Variants in SDHC observed in about 807,000 individuals in gnomAD.
SDHC encodes succinate dehydrogenase complex subunit C, also known as succinate dehydrogenase cytochrome b560 subunit, mitochondrial.
In SDHC, 11 loss-of-function variants were observed where a neutral mutation model predicts 22.6. That is an observed-to-expected ratio of 0.49 (90% CI 0.31 to 0.81). SDHC has a LOEUF of 0.81. Among genes scored for constraint, SDHC ranks in the 30% least tolerant of loss-of-function variants. SDHC has a pLI of 0.05. For synonymous variants in SDHC, 80 were observed against 77.8 expected (o/e 1.03, Z -0.15); for missense variants, 160 against 212.0 (o/e 0.75, Z 1.52).
rs1050286705 is a variant in SDHC at position 161,315,218 on chromosome 1, G to A, written c.20+793G>A. ...TAGTTTTGTGCCAGCCTTATTTTTG[G>A]AAATTGTTTGTTATGGAAAGTTAGC... On this transcript the variant is annotated intron_variant, in intron 1 of 5. Transcript: ENST00000367975. Among the ~76,000 whole-genome samples the A allele has an allele frequency of 3.3e-5, 5 of 152,272 alleles. No homozygotes were observed. The East Asian group carries it at 9.6e-4, about 29-fold the overall frequency.
At chr1:161,317,895 T>C (rs75781067) in intron 1 of SDHC, among the ~76,000 whole-genome samples, 17,780 of 151,818 alleles carry the variant, frequency 0.12, 1,411 homozygotes, top group African/African-American at 0.22. Flanking sequence ...CAATTGTGGC[T>C]GGGCATGGTG....
chr1:161,314,624 G>A, intron 1 of SDHC, 199 bp downstream of exon 1: 1 of 629,686 alleles, frequency 1.6e-6, no homozygotes. Flanking sequence ...TAGGGCTTCG[G>A]GGTCACTGAC....
intron 3 of SDHC, chr1:161,339,690 T>TTTTTTTTTTTTTTTTTTTTTTTTTTG: frequency 3.1e-6 from 1 of 322,820 alleles, no homozygotes; most frequent in Admixed American, 7.9e-5. Flanking sequence ...TTTTTTTTTT[T>TTTTTTTTTTTTTTTTTTTTTTTTTTG]GGAGACAGAG....
At chr1:161,341,172 T>G (rs1558174959) in intron 4 of SDHC, among the ~76,000 whole-genome samples, 1 of 152,102 alleles carries the variant, frequency 6.6e-6, no homozygotes, top group Non-Finnish European at 1.5e-5. Context: ...TTTAAACCAT[T>G]CCCTAGCACT....
chr1:161,328,571 T>C (rs893219012), intron 3 of SDHC, 74 bp downstream of exon 3: 1 of 1,054,514 alleles, frequency 9.5e-7, no homozygotes, highest in Non-Finnish European at 1.5e-6. Context: ...TTTAGCCTAC[T>C]TGATACTTCC....
intron 4 of SDHC, among the ~76,000 whole-genome samples, chr1:161,345,557 C>T (rs564234659): frequency 3.4e-5 from 5 of 148,876 alleles, no homozygotes; most frequent in African/African-American, 7.4e-5. Context: ...CCCGGGTTCA[C>T]GCCATTCTCC....
intron 3 of SDHC, among the ~76,000 whole-genome samples, chr1:161,333,469 G>A (rs1336542441): frequency 3.3e-5 from 5 of 149,580 alleles, no homozygotes; most frequent in African/African-American, 7.4e-5. Context: ...CAGTGGCGCA[G>A]TCTCAGCTCA....
intron 1 of SDHC, among the ~76,000 whole-genome samples, chr1:161,317,358 A>T (rs1670655413): frequency 1.3e-5 from 2 of 151,886 alleles, no homozygotes; most frequent in Non-Finnish European, 2.9e-5. Context: ...AACTTAAAAA[A>T]TTTTTTTATT....
chr1:161,321,072 G>A (rs1263870662), intron 1 of SDHC, among the ~76,000 whole-genome samples: 2 of 152,068 alleles, frequency 1.3e-5, no homozygotes, highest in Non-Finnish European at 2.9e-5. Context: ...TGATCTGCCC[G>A]CCTCGGCCTC....
At chr1:161,339,555 T>C (rs1671631313) in intron 3 of SDHC, 2 of 1,264,186 alleles carry the variant, frequency 1.6e-6, no homozygotes, top group Admixed American at 2.4e-5. Flanking sequence ...ATTTTTTTTT[T>C]TCTCAGCCCT....
At chr1:161,339,349 A>ATTT (rs112525066) in intron 3 of SDHC, among the ~76,000 whole-genome samples, 45 of 137,428 alleles carry the variant, frequency 3.3e-4, no homozygotes, top group East Asian at 6.4e-4. Flanking sequence ...CACCCAGCTA[A>ATTT]TTTTTTTTTT....
intron 4 of SDHC, among the ~76,000 whole-genome samples, chr1:161,345,846 C>T (rs1671875504): frequency 6.6e-6 from 1 of 151,730 alleles, no homozygotes; most frequent in African/African-American, 2.4e-5. Flanking sequence ...TGCTCTGTTG[C>T]CCAGGCTGGA....
At chr1:161,358,843 T>C (rs548843074) in intron 5 of SDHC, among the ~76,000 whole-genome samples, 1 of 150,956 alleles carries the variant, frequency 6.6e-6, no homozygotes, top group East Asian at 2.0e-4. Context: ...GGAGACTTGC[T>C]TGAACCCGGG....
intron 3 of SDHC, 34 bp downstream of exon 3, chr1:161,328,531 G>C (rs552652497): frequency 1.4e-6 from 2 of 1,453,906 alleles, no homozygotes; most frequent in Admixed American, 3.3e-5. Context: ...AGAATCTAGA[G>C]GTAGTGGGTG....
intron 5 of SDHC, among the ~76,000 whole-genome samples, chr1:161,358,085 G>A (rs1415981377): frequency 2.8e-5 from 4 of 142,350 alleles, no homozygotes; most frequent in Non-Finnish European, 4.5e-5. Context: ...TGCCCAGGCT[G>A]GAGTGCAATG....
chr1:161,335,450 C>T (rs994910330), intron 3 of SDHC, among the ~76,000 whole-genome samples: 1 of 152,036 alleles, frequency 6.6e-6, no homozygotes, highest in Non-Finnish European at 1.5e-5. Flanking sequence ...TGATAGTTGC[C>T]AAATGTAATG....
intron 2 of SDHC, 132 bp from the exon 3 acceptor site, chr1:161,328,264 A>G: frequency 1.3e-6 from 1 of 756,214 alleles, no homozygotes; most frequent in Admixed American, 1.9e-5. Context: ...GGCCTCCCAA[A>G]GAGCTGAGAT....
intron 5 of SDHC, among the ~76,000 whole-genome samples, chr1:161,359,854 G>C (rs1231461315): frequency 6.6e-6 from 1 of 151,996 alleles, no homozygotes; most frequent in Admixed American, 6.6e-5. Flanking sequence ...GATGTTATAG[G>C]GTCTGTGGCA....
Position 161,314,415 on chromosome 1 carries a change from C to T in SDHC, c.10C>T (p.Leu4=), listed in dbSNP as rs770796603. The change falls in exon 1 of 6, where the codon CTG becomes TTG. Residue 4 remains leucine (L), a synonymous_variant. Coordinates refer to ENST00000367975, the MANE Select transcript of SDHC (RefSeq NM_003001.5). Reference sequence around the variant, plus strand: ...CAGACCGGAACCCAAGATGGCTGCGCTGTTGCTGAGGTGACTTCAGTGGGA... The same window carrying T: ...CAGACCGGAACCCAAGATGGCTGCGTTGTTGCTGAGGTGACTTCAGTGGGA... MAA[L]LLRHVGRHCL... is the part of the protein sequence containing the mutation. 1 of 1,613,112 alleles carries T rather than the reference C, an allele frequency of 6.2e-7. No homozygotes were observed. The highest frequency in any genetic ancestry group is 8.5e-7 in the Non-Finnish European group (1 of 1,179,990).
Sources: gnomAD v4.1 joint callset for allele counts (sites outside exome capture counted in the v4.1 genomes callset) on GRCh38, gnomAD v4.1.1 for gene constraint, MANE v1.5 for transcripts, NCBI Gene and HGNC (gene_info 2026-07-23, HGNC 2026-07-21) for gene names.